Variants in MTURN observed in about 807,000 individuals in gnomAD.
MTURN encodes the protein maturin.
A neutral mutation model predicts 14.9 loss-of-function variants in MTURN; 7 were observed. The observed-to-expected ratio is 0.47, with a 90% CI of 0.27 to 0.88. The LOEUF (loss-of-function observed/expected upper bound fraction) is 0.88. MTURN is among the 40% of genes least tolerant of loss of function. The pLI is 0.14. For synonymous variants in MTURN, 69 were observed against 72.5 expected (o/e 0.95, Z 0.25); for missense variants, 151 against 174.1 (o/e 0.87, Z 0.75).
intron 1 of MTURN, among the ~76,000 whole-genome samples, chr7:30,138,073 G>C (rs910179915): frequency 6.6e-6 from 1 of 152,098 alleles, no homozygotes; most frequent in Non-Finnish European, 1.5e-5. Flanking sequence ...CCCCGTATTT[G>C]TGTGCCTTGG....
intron 2 of MTURN, among the ~76,000 whole-genome samples, chr7:30,156,905 A>C (rs1344425844): frequency 6.6e-6 from 1 of 152,156 alleles, no homozygotes; most frequent in African/African-American, 2.4e-5. Context: ...TAATGTCATC[A>C]AGTCATTCAA....
At chr7:30,156,349 TC>T (rs1797287516) in intron 2 of MTURN, among the ~76,000 whole-genome samples, 1 of 152,196 alleles carries the variant, frequency 6.6e-6, no homozygotes, top group African/African-American at 2.4e-5. Flanking sequence ...AAGTCTTTTT[TC>T]TATGCATATG....
At chr7:30,154,834 C>G (rs1201652107) in intron 2 of MTURN, among the ~76,000 whole-genome samples, 1 of 152,142 alleles carries the variant, frequency 6.6e-6, no homozygotes, top group African/African-American at 2.4e-5. Context: ...CAGAAAACTT[C>G]CAGCCTGGGG....
Position 30,146,202 on chromosome 7 carries a change from G to A in MTURN, c.188G>A (p.Cys63Tyr), listed in dbSNP as rs751635110. 5.0e-6 allele frequency: 8 copies of A among 1,614,194 alleles called. No homozygotes were observed. The highest frequency in any genetic ancestry group is 6.8e-6 in the Non-Finnish European group (8 of 1,180,052). Reference protein sequence around the residue: ...NFHVWSESEDCLPFLQLAQDY... With the variant: ...NFHVWSESEDYLPFLQLAQDY... ...CACGTGTGGAGTGAGAGCGAGGACTGCCTGCCTTTCTTGCAGCTAGCACAG... is the reference window on the plus strand; with the variant it reads ...CACGTGTGGAGTGAGAGCGAGGACTACCTGCCTTTCTTGCAGCTAGCACAG... The change falls in exon 2 of 3, where the codon TGC becomes TAC. Residue 63 changes from cysteine to tyrosine, a missense_variant. By Grantham distance (194) the Cys-to-Tyr change is radical. Transcript: ENST00000324453.
Position 30,157,678 on chromosome 7 carries a change from A to G in MTURN, c.*130A>G. 5.5e-6 allele frequency: 3 copies of G among 549,456 alleles called. No homozygotes were observed. Among genetic ancestry groups the G allele is most frequent in the Non-Finnish European group, 9.3e-6 (3 of 323,782 alleles). 34.0% of individuals were successfully genotyped at this position (549,456 alleles called of 1,614,324 possible). A position where few individuals can be genotyped will look rare whatever the true frequency, so the allele number is the denominator to read the frequency against. On this transcript the variant is annotated 3_prime_UTR_variant, in exon 3 of 3. Transcript: ENST00000324453. ...TCTGGCTCCCAGCATCCAAATTAAAATGAAATACCTTTTTAACGACCACAA... is the reference window on the plus strand; with the variant it reads ...TCTGGCTCCCAGCATCCAAATTAAAGTGAAATACCTTTTTAACGACCACAA...
intron 2 of MTURN, among the ~76,000 whole-genome samples, chr7:30,155,501 T>C (rs1030287194): frequency 6.6e-6 from 1 of 152,168 alleles, no homozygotes; most frequent in African/African-American, 2.4e-5. Flanking sequence ...TTTACTAAAA[T>C]CTGCAAGGGA....
chr7:30,140,573 ACT>A (rs1168184405), intron 1 of MTURN, among the ~76,000 whole-genome samples: 1 of 151,472 alleles, frequency 6.6e-6, no homozygotes, highest in African/African-American at 2.4e-5. Flanking sequence ...GTTGATTTAA[ACT>A]CTACCCTGTT....
chr7:30,161,611 G>GC lies in MTURN; in HGVS notation c.*4068dup, dbSNP rs1797375729. 1 of 152,210 alleles carries GC rather than the reference G, an allele frequency of 6.6e-6. No individual in the cohort carries two copies. Among genetic ancestry groups the GC allele is most frequent in the Non-Finnish European group, 1.5e-5 (1 of 68,060 alleles). The allele number at this position is 152,210 out of a possible 1,614,324, so 9.4% of individuals were successfully genotyped here. A position where few individuals can be genotyped will look rare whatever the true frequency, so the allele number is the denominator to read the frequency against. ...TTGGCAGCGGGGAGGAAGCAGGAGTGCCCCCTCAGGCCAGAGGGCAGGGCC... is the reference window on the plus strand; with the variant it reads ...TTGGCAGCGGGGAGGAAGCAGGAGTGCCCCCCTCAGGCCAGAGGGCAGGGCC... On this transcript the variant is annotated 3_prime_UTR_variant, in exon 3 of 3. Coordinates refer to ENST00000324453, the MANE Select transcript of MTURN (RefSeq NM_152793.3).
chr7:30,143,353 TC>T (rs1260960212), intron 1 of MTURN, among the ~76,000 whole-genome samples: 3 of 146,912 alleles, frequency 2.0e-5, no homozygotes, highest in African/African-American at 7.7e-5. Context: ...CCTCCCTTTG[TC>T]CTTTTTTTTT....
Position 30,135,122 on chromosome 7 carries a change from G to C in MTURN, c.-15G>C, listed in dbSNP as rs997913330. On this transcript the variant is annotated 5_prime_UTR_variant, in exon 1 of 3. Transcript: ENST00000324453. ...GGGAGGGCGGGCGGCGGCGGGAGGC[G>C]GGCGCGGGGCCGCGATGGATTTCCA... 1 of 1,425,912 alleles carries C rather than the reference G, an allele frequency of 7.0e-7. No individual in the cohort carries two copies. Among genetic ancestry groups the C allele is most frequent in the South Asian group, 1.3e-5 (1 of 75,450 alleles). The allele number at this position is 1,425,912 out of a possible 1,614,324, so 88.3% of individuals were successfully genotyped here.
At chr7:30,138,670 C>A (rs1797003465) in intron 1 of MTURN, among the ~76,000 whole-genome samples, 2 of 151,996 alleles carry the variant, frequency 1.3e-5, no homozygotes, top group Non-Finnish European at 2.9e-5. Context: ...GTCTACCCAG[C>A]AGTCATTTTG....
Position 30,157,484 on chromosome 7 carries a change from G to T in MTURN, c.332G>T (p.Ser111Ile). Residue 111 changes from serine to isoleucine, a missense_variant, in exon 3 of 3, where the codon AGT becomes ATT. By Grantham distance (142) the Ser-to-Ile change is moderately radical. Coordinates refer to ENST00000324453, the MANE Select transcript of MTURN (RefSeq NM_152793.3). ...DADDDAFEEY[S>I]ADVEEEEPEA... ...GATGACGATGCGTTTGAAGAGTACA[G>T]TGCTGACGTGGAAGAAGAGGAGCCA... The T allele has an allele frequency of 6.2e-7, 1 of 1,608,858 alleles. No individual in the cohort carries two copies. The highest frequency in any genetic ancestry group is 1.7e-4 in the Middle Eastern group (1 of 6,056).
Position 30,135,273 on chromosome 7 carries a change from C to T in MTURN, c.137C>T (p.Pro46Leu). 2 of 1,527,368 alleles carry T rather than the reference C, an allele frequency of 1.3e-6. No individual in the cohort carries two copies. The highest frequency in any genetic ancestry group is 1.8e-6 in the Non-Finnish European group (2 of 1,136,704). The allele number at this position is 1,527,368 out of a possible 1,614,324, so 94.6% of individuals were successfully genotyped here. Residue 46 changes from proline (P) to leucine (L), a missense_variant, in exon 1 of 3, where the codon CCG becomes CTG. Coordinates refer to ENST00000324453, the MANE Select transcript of MTURN (RefSeq NM_152793.3). The part of the protein sequence containing the change: ...DPGVSFYVLC[P>L]DNGCGDNFHV... ...GGCGTCTCCTTCTATGTGCTGTGTCCGGACAACGGCTGCGGCGACAATTTT... is the reference window on the plus strand; with the variant it reads ...GGCGTCTCCTTCTATGTGCTGTGTCTGGACAACGGCTGCGGCGACAATTTT...
rs1315654299 is a variant in MTURN, at chr7:30,151,209, A to G, written c.285+4910A>G. 2.0e-5 allele frequency among the ~76,000 whole-genome samples: 3 copies of G among 152,316 alleles called. 1 individual carries two copies. The East Asian group carries it at 5.8e-4, about 29-fold the overall frequency. On this transcript the variant is annotated intron_variant, in intron 2 of 2. Transcript: ENST00000324453. ...CTTGCTACTGGCATGTCGTATCCAA[A>G]TGGCACATGTATGCACATGACAATG...
intron 1 of MTURN, among the ~76,000 whole-genome samples, chr7:30,138,845 G>T (rs1013985300): frequency 6.6e-6 from 1 of 152,086 alleles, no homozygotes; most frequent in Non-Finnish European, 1.5e-5. Context: ...GATGTGCCAA[G>T]CGCATTCCTG....
At chr7:30,139,776 C>G (rs1797020154) in intron 1 of MTURN, among the ~76,000 whole-genome samples, 1 of 152,300 alleles carries the variant, frequency 6.6e-6, no homozygotes, top group African/African-American at 2.4e-5. Flanking sequence ...CACTCTTTCT[C>G]TATCTCGCTC....
At chr7:30,136,288 G>A (rs1049802746) in intron 1 of MTURN, among the ~76,000 whole-genome samples, 1 of 152,256 alleles carries the variant, frequency 6.6e-6, no homozygotes, top group Non-Finnish European at 1.5e-5. Flanking sequence ...GGAAGGGGAT[G>A]CGGAGGGCAG....
intron 2 of MTURN, among the ~76,000 whole-genome samples, chr7:30,148,019 C>T (rs531837352): frequency 8.5e-5 from 13 of 152,330 alleles, no homozygotes; most frequent in African/African-American, 2.9e-4. Context: ...GCTTAGATCT[C>T]ACAGAGCCTG....
At chr7:30,149,654 GTTTGTTACAGATAAGACATAGGTAGGGGT>G (rs1317781198) in intron 2 of MTURN, among the ~76,000 whole-genome samples, 1 of 152,202 alleles carries the variant, frequency 6.6e-6, no homozygotes, top group Non-Finnish European at 1.5e-5. Flanking sequence ...CGTAAGGGAG[GTTTGTTACAGATAAGACATAGGTAGGGGT>G]TTTGTTGCTG....
Sources: gnomAD v4.1 joint callset for allele counts (sites outside exome capture counted in the v4.1 genomes callset) on GRCh38, gnomAD v4.1.1 for gene constraint, MANE v1.5 for transcripts, NCBI Gene and HGNC (gene_info 2026-07-23, HGNC 2026-07-21) for gene names.